The following DOCK3 variants were observed in gnomAD, a reference collection of about 807,000 sequenced individuals.
DOCK3 encodes the protein dedicator of cytokinesis protein 3.
A neutral mutation model predicts 265.6 loss-of-function variants in DOCK3; 60 were observed. That is an observed-to-expected ratio of 0.23 (90% CI 0.18 to 0.28). The LOEUF (loss-of-function observed/expected upper bound fraction) is 0.28. DOCK3 is among the 10% of genes least tolerant of loss of function. The probability of loss-of-function intolerance (pLI) is 1.00; values close to 1 mark genes in which losing one functional copy is unlikely to be tolerated. For missense variants in DOCK3, 1,981 were observed against 2,594.3 expected (o/e 0.76, Z 5.14); for synonymous variants, 881 against 938.0 (o/e 0.94, Z 1.11).
chr3:50,934,954 C>T (rs1004508773), intron 5 of DOCK3, among the ~76,000 whole-genome samples: 2 of 152,122 alleles, frequency 1.3e-5, no homozygotes, highest in Non-Finnish European at 2.9e-5. Context: ...AATTCACCTA[C>T]TGGAAAACTC....
At chr3:50,972,374 C>T (rs909829817) in intron 5 of DOCK3, among the ~76,000 whole-genome samples, 2 of 152,168 alleles carry the variant, frequency 1.3e-5, no homozygotes, top group African/African-American at 2.4e-5. Flanking sequence ...TCTGTATCTG[C>T]GCCTGAGCAC....
chr3:50,978,460 G>A (rs989887966), intron 5 of DOCK3, among the ~76,000 whole-genome samples: 1 of 152,176 alleles, frequency 6.6e-6, no homozygotes, highest in Non-Finnish European at 1.5e-5. Context: ...GCTGCTCGGG[G>A]GTCAGGTGTC....
chr3:51,000,278 C>T (rs72939228), intron 5 of DOCK3, among the ~76,000 whole-genome samples: 10,938 of 152,218 alleles, frequency 0.072, 990 homozygotes, highest in East Asian at 0.33. Flanking sequence ...AGCCTATGTC[C>T]AAATTAGGCA....
At chr3:50,849,904 C>G (rs935619508) in intron 3 of DOCK3, among the ~76,000 whole-genome samples, 2 of 151,754 alleles carry the variant, frequency 1.3e-5, no homozygotes, top group African/African-American at 4.8e-5. Flanking sequence ...GGCAACATAG[C>G]GAAACCTCGT....
intron 9 of DOCK3, among the ~76,000 whole-genome samples, chr3:51,141,047 T>C (rs1168974850): frequency 6.6e-6 from 1 of 152,024 alleles, no homozygotes; most frequent in Non-Finnish European, 1.5e-5. Context: ...TTTGTTGCTT[T>C]GTTGATGGTG....
chr3:51,060,774 C>G (rs1039252689), intron 5 of DOCK3, among the ~76,000 whole-genome samples: 7 of 152,114 alleles, frequency 4.6e-5, no homozygotes, highest in African/African-American at 1.4e-4. Flanking sequence ...GGTACCAGTA[C>G]CATGCTGTTT....
At chr3:51,296,637 C>T (rs977636598) in intron 27 of DOCK3, among the ~76,000 whole-genome samples, 23 of 151,946 alleles carry the variant, frequency 1.5e-4, no homozygotes, top group East Asian at 9.7e-4. Context: ...CCACCATGCC[C>T]GGCTATTTTT....
intron 5 of DOCK3, among the ~76,000 whole-genome samples, chr3:51,035,163 T>C (rs2080217054): frequency 6.6e-6 from 1 of 152,152 alleles, no homozygotes; most frequent in African/African-American, 2.4e-5. Context: ...ATTGTCATTA[T>C]TTCTACAAAT....
intron 9 of DOCK3, among the ~76,000 whole-genome samples, chr3:51,115,420 T>C (rs1245702093): frequency 2.0e-5 from 3 of 152,246 alleles, no homozygotes; most frequent in Non-Finnish European, 4.4e-5. Flanking sequence ...TTTCATATGC[T>C]TGTTGACTGC....
chr3:51,380,937 G>A, intron 52 of DOCK3, 113 bp from the exon 53 acceptor site: 1 of 1,316,106 alleles, frequency 7.6e-7, no homozygotes, highest in South Asian at 1.4e-5. Flanking sequence ...CAAGAAACAT[G>A]CTGTTGATGA....
intron 7 of DOCK3, among the ~76,000 whole-genome samples, chr3:51,079,170 T>C (rs976818399): frequency 1.3e-5 from 2 of 152,170 alleles, no homozygotes; most frequent in African/African-American, 4.8e-5. Flanking sequence ...TCATTGATTT[T>C]AGGGAAAAAA....
intron 5 of DOCK3, among the ~76,000 whole-genome samples, chr3:51,031,407 A>G (rs749450973): frequency 1.3e-5 from 2 of 152,290 alleles, no homozygotes; most frequent in South Asian, 4.1e-4. Flanking sequence ...CTGTCTCCTT[A>G]TGTTTTAATC....
intron 1 of DOCK3, chr3:50,719,400 C>T (rs775210878): frequency 2.2e-5 from 12 of 534,086 alleles, no homozygotes; most frequent in Non-Finnish European, 3.7e-5. Context: ...TAGGATGCTG[C>T]GAGCAAATGG....
intron 2 of DOCK3, among the ~76,000 whole-genome samples, chr3:50,796,539 T>C (rs111272288): frequency 5.3e-5 from 8 of 151,678 alleles, no homozygotes; most frequent in South Asian, 2.1e-4. Context: ...TGTTTCTCCA[T>C]GTTGGTCAGG....
At chr3:51,168,658 A>G (rs2086523678) in intron 12 of DOCK3, among the ~76,000 whole-genome samples, 2 of 152,222 alleles carry the variant, frequency 1.3e-5, no homozygotes, top group Non-Finnish European at 2.9e-5. Flanking sequence ...AACCTAGGCA[A>G]TACCATTCTA....
At chr3:51,190,479 C>G (rs1369858722) in intron 12 of DOCK3, among the ~76,000 whole-genome samples, 2 of 152,196 alleles carry the variant, frequency 1.3e-5, no homozygotes, top group African/African-American at 2.4e-5. Context: ...GAACTGGTCA[C>G]TGGGACAGAC....
intron 4 of DOCK3, among the ~76,000 whole-genome samples, chr3:50,909,888 C>A (rs919883731): frequency 2.6e-5 from 4 of 151,956 alleles, no homozygotes; most frequent in African/African-American, 9.7e-5. Context: ...TTTATGTAAT[C>A]CCATATATCT....
At chr3:51,375,332 C>T (rs1406036901) in intron 50 of DOCK3, among the ~76,000 whole-genome samples, 1 of 152,222 alleles carries the variant, frequency 6.6e-6, no homozygotes, top group Non-Finnish European at 1.5e-5. Flanking sequence ...TGATACTGTC[C>T]TTTCCTCTGC....
chr3:50,722,482 A>C (rs1415759022), intron 1 of DOCK3, among the ~76,000 whole-genome samples: 1 of 152,220 alleles, frequency 6.6e-6, no homozygotes, highest in Non-Finnish European at 1.5e-5. Context: ...GCTGAAAGAA[A>C]GCTGGGCTCA....
Sources: allele counts gnomAD v4.1 joint callset (sites outside exome capture counted in the v4.1 genomes callset), GRCh38; gene constraint gnomAD v4.1.1; transcripts MANE v1.5; gene names NCBI Gene and HGNC (gene_info 2026-07-23, HGNC 2026-07-21).